The following KDM1B variants were observed in gnomAD, a reference collection of about 807,000 sequenced individuals.
KDM1B encodes the protein lysine demethylase 1B.
Under a neutral mutation model 107.4 loss-of-function variants are expected in KDM1B, and 63 were observed. The ratio of observed to expected loss-of-function variants is 0.59; its 90% confidence interval spans 0.48 to 0.72. The LOEUF (loss-of-function observed/expected upper bound fraction) is 0.72, where lower values mean the gene tolerates loss of function less well. Ranked by LOEUF, KDM1B falls within the 30% of genes least tolerant of loss-of-function variation. KDM1B has a pLI of 0.00. For missense variants in KDM1B, 749 were observed against 1,020.8 expected (o/e 0.73, Z 3.63); for synonymous variants, 363 against 363.9 (o/e 1.00, Z 0.03).
intron 21 of KDM1B, among the ~76,000 whole-genome samples, chr6:18,218,732 T>G (rs1249492841): frequency 6.6e-6 from 1 of 152,130 alleles, no homozygotes; most frequent in Non-Finnish European, 1.5e-5. Context: ...GTCTCTCATT[T>G]ACAGTTGACA....
intron 2 of KDM1B, among the ~76,000 whole-genome samples, chr6:18,157,881 C>G (rs1180007315): frequency 7.3e-6 from 1 of 137,596 alleles, no homozygotes; most frequent in Non-Finnish European, 1.5e-5. Context: ...GGTGTGATCT[C>G]GGCTCACTGC....
rs569859384 is a variant in KDM1B, at chr6:18,201,917, C to T, written c.1531+260C>T. Among the ~76,000 whole-genome samples the T allele has an allele frequency of 5.3e-5, 8 of 152,228 alleles. No individual in the cohort carries two copies. In the East Asian group the frequency reaches 7.7e-4, roughly 15 times the overall value. On this transcript the variant is annotated intron_variant, in intron 14 of 21. Transcript: ENST00000650836. This position sits in a 1 kb window ranked among gnomAD's most constrained non-coding sequence, Gnocchi z 4.3. ...AGCTGGTGTTTTACAAAATTACCTACGTGTTTAATTTTAAATTTCCCAGAG... is the reference window on the plus strand; with the variant it reads ...AGCTGGTGTTTTACAAAATTACCTATGTGTTTAATTTTAAATTTCCCAGAG...
At chr6:18,184,273 CTTTTTTTTTTTTT>C (rs1163110910) in intron 7 of KDM1B, among the ~76,000 whole-genome samples, 1 of 116,672 alleles carries the variant, frequency 8.6e-6, no homozygotes, top group Non-Finnish European at 1.7e-5. Context: ...GTTCTAGCTT[CTTTTTTTTTTTTT>C]TTTTTTGAGA....
rs1787257100 is a variant in KDM1B at position 18,191,112 on chromosome 6, A to G, written c.785-85A>G. The G allele has an allele frequency of 2.5e-6, 3 of 1,194,270 alleles. No homozygotes were observed. The highest frequency in any genetic ancestry group is 2.6e-5 in the East Asian group (1 of 39,074). 74.0% of individuals were successfully genotyped at this position (1,194,270 alleles called of 1,614,324 possible). ...TAGAGAGTGGAGCTTGTCTAGGCTTACTTTTTGGTTTGCTTTTGCCCTTTA... is the reference window on the plus strand; with the variant it reads ...TAGAGAGTGGAGCTTGTCTAGGCTTGCTTTTTGGTTTGCTTTTGCCCTTTA... On this transcript the variant is annotated intron_variant, in intron 9 of 21. Transcript: ENST00000650836. The surrounding 1 kb of genome is among the most constrained non-coding windows in gnomAD (Gnocchi z 5.1).
At chr6:18,185,553 T>TGACCTCCCAAACTGCTGCTC (rs1419079923) in intron 7 of KDM1B, among the ~76,000 whole-genome samples, 10 of 152,150 alleles carry the variant, frequency 6.6e-5, no homozygotes, top group East Asian at 3.9e-4. Context: ...CCACCCACCT[T>TGACCTCCCAAACTGCTGCTC]GACCTCCCAA....
chr6:18,213,792 T>C lies in KDM1B; in HGVS notation c.2109+11T>C, dbSNP rs1789026952. Reference sequence around the variant, plus strand: ...GACATGGATCCCCAGGTAAAATCATTCGTGAACTGTGGTTTGAATTTCCGT... The same window carrying C: ...GACATGGATCCCCAGGTAAAATCATCCGTGAACTGTGGTTTGAATTTCCGT... On this transcript the variant is annotated intron_variant, in intron 19 of 21. Coordinates refer to ENST00000650836, the MANE Select transcript of KDM1B (RefSeq NM_001364614.2). The surrounding 1 kb of genome is among the most constrained non-coding windows in gnomAD (Gnocchi z 5.9). 1 of 1,613,908 alleles carries C rather than the reference T, an allele frequency of 6.2e-7. No homozygotes were observed. Among genetic ancestry groups the C allele is most frequent in the East Asian group, 2.2e-5 (1 of 44,876 alleles).
chr6:18,197,306 T>A lies in KDM1B; in HGVS notation c.1146+73T>A. 7.3e-7 allele frequency: 1 copy of A among 1,362,850 alleles called. No homozygotes were observed. The allele number at this position is 1,362,850 out of a possible 1,614,324, so 84.4% of individuals were successfully genotyped here. A position where few individuals can be genotyped will look rare whatever the true frequency, so the allele number is the denominator to read the frequency against. The stretch of plus-strand genomic sequence containing the variant: ...ACGCTAGTCTGTTGCTGTTAATAAA[T>A]ATAGTAAAAGCCACATTATCACCAT... On this transcript the variant is annotated intron_variant, in intron 11 of 21. Coordinates refer to ENST00000650836, the MANE Select transcript of KDM1B (RefSeq NM_001364614.2). This position sits in a 1 kb window ranked among gnomAD's most constrained non-coding sequence, Gnocchi z 4.5.
chr6:18,201,411 T>G lies in KDM1B; in HGVS notation c.1360-75T>G, dbSNP rs952996160. The G allele has an allele frequency of 1.8e-6, 2 of 1,099,742 alleles. No individual in the cohort carries two copies. The highest frequency in any genetic ancestry group is 3.2e-5 in the African/African-American group (2 of 63,064). The allele number at this position is 1,099,742 out of a possible 1,614,324, so 68.1% of individuals were successfully genotyped here. A position where few individuals can be genotyped will look rare whatever the true frequency, so the allele number is the denominator to read the frequency against. On this transcript the variant is annotated intron_variant, in intron 13 of 21. Transcript: ENST00000650836. The surrounding 1 kb of genome is among the most constrained non-coding windows in gnomAD (Gnocchi z 4.3). ...CCATTTTCTCCATGAGAGCTCTGTC[T>G]GATTTTCAGCTTAGAACCTGTAAAT...
At chr6:18,171,658 ATAAGCAGTTAAGACATAGG>A (rs1043130371) in intron 7 of KDM1B, among the ~76,000 whole-genome samples, 179 bp downstream of exon 7, 4 of 152,348 alleles carry the variant, frequency 2.6e-5, no homozygotes, top group South Asian at 4.1e-4. Context: ...TTCCGTCATT[ATAAGCAGTTAAGACATAGG>A]TAAGCAGTTA....
chr6:18,216,925 T>C (rs1484264974), intron 20 of KDM1B, among the ~76,000 whole-genome samples: 2 of 152,214 alleles, frequency 1.3e-5, no homozygotes, highest in African/African-American at 4.8e-5. Context: ...CTGCGGGTCA[T>C]GGAACATATT....
intron 6 of KDM1B, among the ~76,000 whole-genome samples, chr6:18,170,928 C>T (rs912434104): frequency 2.6e-5 from 4 of 152,052 alleles, no homozygotes; most frequent in African/African-American, 7.2e-5. Context: ...TCATGCCATT[C>T]TCCTGCCTCA....
chr6:18,181,877 TC>T (rs768594081), intron 7 of KDM1B, among the ~76,000 whole-genome samples: 9 of 152,214 alleles, frequency 5.9e-5, no homozygotes, highest in Non-Finnish European at 1.3e-4. Context: ...ATATAACACT[TC>T]CTTTTCTTCT....
intron 6 of KDM1B, among the ~76,000 whole-genome samples, chr6:18,170,957 A>G (rs1217284901): frequency 6.6e-6 from 1 of 151,914 alleles, no homozygotes. Context: ...AGTAGCTGGG[A>G]CTACAGGCGC....
intron 7 of KDM1B, among the ~76,000 whole-genome samples, chr6:18,184,702 G>A (rs1032013801): frequency 2.4e-5 from 3 of 125,240 alleles, no homozygotes; most frequent in African/African-American, 8.8e-5. Flanking sequence ...CCATTGTACT[G>A]TTGATGACCT....
rs1320495130 is a variant in KDM1B, at chr6:18,171,278, G to C, written c.418-85G>C. The C allele has an allele frequency of 3.8e-6, 3 of 785,620 alleles. No homozygotes were observed. In the Admixed American group the frequency reaches 5.1e-5, roughly 13 times the overall value. 48.7% of individuals were successfully genotyped at this position (785,620 alleles called of 1,614,324 possible). A position where few individuals can be genotyped will look rare whatever the true frequency, so the allele number is the denominator to read the frequency against. On this transcript the variant is annotated intron_variant, in intron 6 of 21. Coordinates refer to ENST00000650836, the MANE Select transcript of KDM1B (RefSeq NM_001364614.2). The stretch of plus-strand genomic sequence containing the variant: ...AATACTTAGGATTGCTAACAGGTTG[G>C]AGAAGATGACCAAGTGGTGGAGGAT...
chr6:18,214,921 A>C lies in KDM1B; in HGVS notation c.2110-86A>C, dbSNP rs1789103249. ...CAAAACTCTGTCTCATTTAAAACAA[A>C]ACAAAACAAAAAACAAAAAAAAGAG... is the stretch of plus-strand genomic sequence containing the variant. On this transcript the variant is annotated intron_variant, in intron 19 of 21. Transcript: ENST00000650836. The surrounding 1 kb of genome is among the most constrained non-coding windows in gnomAD (Gnocchi z 4.4). 3.6e-6 allele frequency: 5 copies of C among 1,406,890 alleles called. No homozygotes were observed. Among genetic ancestry groups the C allele is most frequent in the Middle Eastern group, 1.9e-4 (1 of 5,384 alleles). 87.2% of individuals were successfully genotyped at this position (1,406,890 alleles called of 1,614,324 possible). A position where few individuals can be genotyped will look rare whatever the true frequency, so the allele number is the denominator to read the frequency against.
chr6:18,208,627 A>ATATATATATATATT (rs1561949786), intron 17 of KDM1B, among the ~76,000 whole-genome samples: 1 of 25,736 alleles, frequency 3.9e-5, no homozygotes, highest in Non-Finnish European at 6.8e-5. Flanking sequence ...ATATATATAT[A>ATATATATATATATT]TTTTTTTTTT....
At chr6:18,217,984 G>A (rs1789378646) in intron 21 of KDM1B, 99 bp downstream of exon 21, 2 of 1,305,914 alleles carry the variant, frequency 1.5e-6, no homozygotes, top group Non-Finnish European at 2.1e-6. Flanking sequence ...TTCAAATACT[G>A]TCAAAAGTCT....
chr6:18,177,948 G>C (rs1176558330), intron 7 of KDM1B, among the ~76,000 whole-genome samples: 1 of 152,044 alleles, frequency 6.6e-6, no homozygotes, highest in Non-Finnish European at 1.5e-5. Flanking sequence ...CATGGTATCT[G>C]TCTCCATCTT....
Sources: gnomAD v4.1 joint callset for allele counts (sites outside exome capture counted in the v4.1 genomes callset) on GRCh38, gnomAD v4.1.1 for gene constraint, Gnocchi (gnomAD v3.1) non-coding constraint, MANE v1.5 for transcripts, NCBI Gene and HGNC (gene_info 2026-07-23, HGNC 2026-07-21) for gene names.